NF1: variants seen among roughly 807,000 people sequenced by gnomAD.
NF1 encodes the protein neurofibromin 1.
NF1 carries 122 observed loss-of-function variants against 325.7 expected under a neutral mutation model. That is an observed-to-expected ratio of 0.37 (90% CI 0.32 to 0.44). The LOEUF is 0.44. Among genes scored for constraint, NF1 ranks in the 20% least tolerant of loss-of-function variants. NF1 has a pLI of 1.00. For synonymous variants in NF1, 1,091 were observed against 1,186.0 expected (o/e 0.92, Z 1.65); for missense variants, 2,140 against 3,415.4 (o/e 0.63, Z 9.31).
intron 36 of NF1, chr17:31,304,771 C>A (rs1324744861): frequency 6.2e-7 from 1 of 1,614,060 alleles, no homozygotes; most frequent in Admixed American, 1.7e-5. Flanking sequence ...TAAAAGTGTG[C>A]TTTTGCTTGG....
chr17:31,183,228 A>AT (rs1251019886), intron 8 of NF1: 1 of 193,262 alleles, frequency 5.2e-6, no homozygotes, highest in Non-Finnish European at 1.0e-5. Flanking sequence ...GAAAAAAAAA[A>AT]GAACTGAGTA....
At chr17:31,357,664 A>G in intron 54 of NF1, 1 of 429,720 alleles carries the variant, frequency 2.3e-6, no homozygotes, top group Non-Finnish European at 4.3e-6. Context: ...CTATATCTAA[A>G]TCAGCATATC....
chr17:31,135,814 C>T (rs935242803), intron 1 of NF1, among the ~76,000 whole-genome samples: 6 of 151,930 alleles, frequency 3.9e-5, no homozygotes, highest in Non-Finnish European at 8.8e-5. Context: ...TGAGCTCAAG[C>T]GATCCACCTG....
At chr17:31,310,414 G>C (rs990945062) in intron 36 of NF1, among the ~76,000 whole-genome samples, 1 of 151,540 alleles carries the variant, frequency 6.6e-6, no homozygotes, top group African/African-American at 2.4e-5. Flanking sequence ...GATTGAAGTA[G>C]GCAAAATGAA....
Position 31,356,582 on chromosome 17 carries a change from G to T in NF1, c.7738G>T (p.Glu2580Ter), listed in dbSNP as rs2151581378. The T allele has an allele frequency of 6.2e-7, 1 of 1,613,538 alleles. No homozygotes were observed. The highest frequency in any genetic ancestry group is 8.5e-7 in the Non-Finnish European group (1 of 1,179,662). Residue 2580 changes from glutamate to a stop codon, truncating the protein, a stop_gained and splice_region_variant, in exon 52 of 58, where the codon GAA becomes TAA. Transcript: ENST00000358273. LOFTEE classifies it high-confidence loss of function. Reference protein sequence around the residue: ...RRVAETDYEMETQRISSSQQH... With the variant: ...RRVAETDYEM ...AGTAGCAGAAACTGATTATGAAATG[G>T]GTGAGAAACAAAGTATTGATCTAGA...
intron 37 of NF1, among the ~76,000 whole-genome samples, chr17:31,326,991 ATCTCAGAGTGCAGTGGCG>A (rs1438133419): frequency 9.6e-5 from 4 of 41,476 alleles, no homozygotes; most frequent in Non-Finnish European, 3.9e-4. Flanking sequence ...CAGTGGCGTG[ATCTCAGAGTGCAGTGGCG>A]TGATCTCAGA....
At chr17:31,296,069 T>G (rs945033097) in intron 36 of NF1, 10 of 1,613,730 alleles carry the variant, frequency 6.2e-6, no homozygotes, top group Non-Finnish European at 7.6e-6. Context: ...TTCAAGCCTG[T>G]TGTTTGAAAT....
At chr17:31,262,334 G>C (rs962347810) in intron 35 of NF1, among the ~76,000 whole-genome samples, 10 of 152,112 alleles carry the variant, frequency 6.6e-5, no homozygotes, top group African/African-American at 2.4e-4. Context: ...GTATACTTCA[G>C]TATTGCTATA....
At chr17:31,292,996 G>C (rs1400306531) in intron 36 of NF1, among the ~76,000 whole-genome samples, 2 of 151,812 alleles carry the variant, frequency 1.3e-5, no homozygotes, top group African/African-American at 2.4e-5. Flanking sequence ...TGGCCAACAT[G>C]ATGAAGCCCC....
intron 24 of NF1, 61 bp downstream of exon 24, chr17:31,230,986 A>G (rs2067104531): frequency 1.6e-6 from 2 of 1,232,536 alleles, no homozygotes; most frequent in Non-Finnish European, 2.3e-6. Flanking sequence ...TAACTACTTA[A>G]TTACAGCTTT....
At chr17:31,340,435 C>G (rs2151561132) in intron 46 of NF1, 70 bp from the exon 47 acceptor site, 2 of 1,591,740 alleles carry the variant, frequency 1.3e-6, no homozygotes, top group African/African-American at 1.3e-5. Context: ...TTATTTTTAA[C>G]TGCAGTGTGT....
At chr17:31,219,514 G>A (rs1459325153) in intron 14 of NF1, among the ~76,000 whole-genome samples, 1 of 150,934 alleles carries the variant, frequency 6.6e-6, no homozygotes, top group African/African-American at 2.4e-5. Context: ...TTAAGTTTTA[G>A]GTTACATGCG....
intron 35 of NF1, among the ~76,000 whole-genome samples, chr17:31,263,129 T>TA (rs369499357): frequency 9.9e-6 from 1 of 100,908 alleles, no homozygotes; most frequent in Non-Finnish European, 2.5e-5. Context: ...ATAGATAAGA[T>TA]AAGATAAGAT....
rs2066738726 is a variant in NF1, at chr17:31,212,132, G to C, written c.1393-2319G>C. 2.0e-5 allele frequency among the ~76,000 whole-genome samples: 3 copies of C among 151,936 alleles called. No individual in the cohort carries two copies. In the South Asian group the frequency reaches 6.2e-4, roughly 32 times the overall value. On this transcript the variant is annotated intron_variant, in intron 12 of 57. Coordinates refer to ENST00000358273, the MANE Select transcript of NF1 (RefSeq NM_001042492.3). Reference sequence around the variant, plus strand: ...TATATCCTGTAAGTTTTTTCTATTTGAAAATGTTCTATTTTAATTTTTATT... The same window carrying C: ...TATATCCTGTAAGTTTTTTCTATTTCAAAATGTTCTATTTTAATTTTTATT...
At chr17:31,108,264 T>G (rs998241770) in intron 1 of NF1, among the ~76,000 whole-genome samples, 4 of 9,960 alleles carry the variant, frequency 4.0e-4, no homozygotes, top group African/African-American at 2.0e-3. Flanking sequence ...AGTAGAGAGT[T>G]TTTTTTTTTT....
At chr17:31,235,012 G>A (rs1261692528) in intron 27 of NF1, among the ~76,000 whole-genome samples, 1 of 152,112 alleles carries the variant, frequency 6.6e-6, no homozygotes, top group Non-Finnish European at 1.5e-5. Context: ...ATGTCATTTA[G>A]GTAATAGATA....
intron 1 of NF1, among the ~76,000 whole-genome samples, chr17:31,101,607 T>G (rs1267539172): frequency 1.3e-5 from 2 of 152,208 alleles, no homozygotes; most frequent in South Asian, 4.1e-4. Context: ...ATCATGCTTC[T>G]TCCCACTTCT....
In NF1 at chr17:31,229,443, A is replaced by G. The variant is rs2151429790; in HGVS notation, c.2828A>G (p.Lys943Arg). The change falls in exon 21 of 58, where the codon AAG (lysine) becomes AGG (arginine). Residue 943 changes from lysine to arginine, a missense_variant. Physicochemically the swap from Lys to Arg is conservative, Grantham distance 26 (BLOSUM62 2). This residue lies in a region of NF1 where 380 missense variants were observed against 639.3 expected (regional missense o/e 0.59). Coordinates refer to ENST00000358273, the MANE Select transcript of NF1 (RefSeq NM_001042492.3). ...AACAAATTGAAGAATACCATCAGCAAGTTTTTTGACTCCCAAGGACAGGTA... is the reference window on the plus strand; with the variant it reads ...AACAAATTGAAGAATACCATCAGCAGGTTTTTTGACTCCCAAGGACAGGTA... ...LFNKLKNTIS[K>R]FFDSQGQVLL... 6.2e-7 allele frequency: 1 copy of G among 1,613,852 alleles called. No homozygotes were observed. Among genetic ancestry groups the G allele is most frequent in the Non-Finnish European group, 8.5e-7 (1 of 1,179,778 alleles).
chr17:31,330,369 A>G lies in NF1; in HGVS notation c.5683A>G (p.Thr1895Ala), dbSNP rs1194647626. The change falls in exon 39 of 58, where the codon ACA becomes GCA. Residue 1895 changes from threonine (T) to alanine (A), a missense_variant. By Grantham distance (58) the Thr-to-Ala change is moderately conservative. This residue lies in a region of NF1 where 180 missense variants were observed against 435.1 expected (regional missense o/e 0.41). Coordinates refer to ENST00000358273, the MANE Select transcript of NF1 (RefSeq NM_001042492.3). Reference protein sequence around the residue: ...NLKIEGQLLETSGLCIPANNT... With the variant: ...NLKIEGQLLEASGLCIPANNT... ...AAAAATCGAGGGCCAGTTACTAGAG[A>G]CATCAGGTTTATGTATCCCTGCCAA... is the stretch of plus-strand genomic sequence containing the variant. 6.2e-7 allele frequency: 1 copy of G among 1,613,894 alleles called. No individual in the cohort carries two copies. Among genetic ancestry groups the G allele is most frequent in the African/African-American group, 1.3e-5 (1 of 74,898 alleles).
Sources: gnomAD v4.1 joint callset for allele counts (sites outside exome capture counted in the v4.1 genomes callset) on GRCh38, gnomAD v4.1.1 for gene constraint, gnomAD v4.1.1 regional missense constraint, MANE v1.5 for transcripts, NCBI Gene and HGNC (gene_info 2026-07-23, HGNC 2026-07-21) for gene names.